EXOC6B: variants seen among roughly 807,000 people sequenced by gnomAD.
The protein encoded by EXOC6B is SEC15 homolog B.
A neutral mutation model predicts 113.5 loss-of-function variants in EXOC6B; 54 were observed. The ratio of observed to expected loss-of-function variants is 0.48; its 90% CI spans 0.38 to 0.60. EXOC6B has a LOEUF of 0.60. Among genes scored for constraint, EXOC6B ranks in the 20% least tolerant of loss-of-function variants. The pLI, the probability that EXOC6B is intolerant of heterozygous loss-of-function variation, is 0.00. For missense variants in EXOC6B, 797 were observed against 977.5 expected, an observed-to-expected ratio of 0.82 and a Z score of 2.46; for synonymous variants, 357 against 339.0, an observed-to-expected ratio of 1.05 and a Z score of -0.58.
chr2:72,554,265 C>T (rs1022310145), intron 8 of EXOC6B, among the ~76,000 whole-genome samples: 4 of 152,158 alleles, frequency 2.6e-5, no homozygotes, highest in African/African-American at 7.2e-5. Context: ...TGCAAAACCA[C>T]TGCACTCAGA....
At chr2:72,540,495 TATCTA>T (rs1226510537) in intron 8 of EXOC6B, among the ~76,000 whole-genome samples, 7 of 152,246 alleles carry the variant, frequency 4.6e-5, no homozygotes, top group Non-Finnish European at 1.0e-4. Flanking sequence ...ATATGTATCA[TATCTA>T]TTTATTCCTA....
intron 20 of EXOC6B, among the ~76,000 whole-genome samples, chr2:72,219,449 T>A (rs1322268218): frequency 1.3e-5 from 2 of 152,152 alleles, no homozygotes; most frequent in Non-Finnish European, 2.9e-5. Context: ...ATACAATAAG[T>A]CTTATGTCAA....
intron 1 of EXOC6B, among the ~76,000 whole-genome samples, chr2:72,820,056 C>T (rs1686495374): frequency 1.3e-5 from 2 of 152,046 alleles, no homozygotes; most frequent in Admixed American, 6.6e-5. Flanking sequence ...AAAATAAGAG[C>T]CATGTGGTCA....
At chr2:72,454,261 C>T (rs1029727198) in intron 18 of EXOC6B, among the ~76,000 whole-genome samples, 11 of 152,032 alleles carry the variant, frequency 7.2e-5, no homozygotes, top group South Asian at 2.1e-4. Context: ...CCTAGCACTG[C>T]GGGAGGCCAA....
chr2:72,682,599 A>G (rs1676790639), intron 6 of EXOC6B, among the ~76,000 whole-genome samples: 1 of 152,230 alleles, frequency 6.6e-6, no homozygotes, highest in Non-Finnish European at 1.5e-5. Context: ...AGGGATAAGA[A>G]GAAAGTACAG....
chr2:72,410,084 A>G (rs1228719178), intron 18 of EXOC6B, among the ~76,000 whole-genome samples: 2 of 152,156 alleles, frequency 1.3e-5, no homozygotes, highest in African/African-American at 4.8e-5. Flanking sequence ...TTTCTGCTGT[A>G]ATCCTTTGAC....
intron 8 of EXOC6B, among the ~76,000 whole-genome samples, chr2:72,549,451 T>C (rs1703092810): frequency 6.6e-6 from 1 of 152,146 alleles, no homozygotes; most frequent in African/African-American, 2.4e-5. Context: ...ATTTAGGAAA[T>C]AACATTTGGA....
At chr2:72,776,483 G>A (rs1471210172) in intron 1 of EXOC6B, among the ~76,000 whole-genome samples, 1 of 151,988 alleles carries the variant, frequency 6.6e-6, no homozygotes, top group African/African-American at 2.4e-5. Flanking sequence ...CAGGCATGGG[G>A]GCACACACCT....
intron 16 of EXOC6B, among the ~76,000 whole-genome samples, chr2:72,489,169 G>A (rs1009375860): frequency 6.6e-6 from 1 of 152,056 alleles, no homozygotes; most frequent in African/African-American, 2.4e-5. Flanking sequence ...CTTAACCCAG[G>A]TGCTTTTTCT....
intron 20 of EXOC6B, among the ~76,000 whole-genome samples, chr2:72,317,333 C>A (rs1687580229): frequency 6.6e-6 from 1 of 151,970 alleles, no homozygotes; most frequent in Non-Finnish European, 1.5e-5. Context: ...CCTATCGATA[C>A]CTCCCTCTAA....
rs778304758 is a variant in EXOC6B, at chr2:72,823,150, TAAAAAAAAAAAA to T, written c.113+2636_113+2647del. ...GACAGTAAGACTCAGTGTAATCTGC[TAAAAAAAAAAAA>T]AAAAAAAAAGTTGAGATCAAAAATG... On this transcript the variant is annotated intron_variant, in intron 1 of 21. Transcript: ENST00000272427. Among the ~76,000 whole-genome samples the T allele has an allele frequency of 4.1e-5, 3 of 73,850 alleles. No individual in the cohort carries two copies. The East Asian group carries it at 1.2e-3, about 29-fold the overall frequency. The allele number at this position is 73,850 out of a possible 152,430, so 48.4% of individuals were successfully genotyped here. A position where few individuals can be genotyped will look rare whatever the true frequency, so the allele number is the denominator to read the frequency against.
At chr2:72,289,516 C>A (rs1685654564) in intron 20 of EXOC6B, among the ~76,000 whole-genome samples, 1 of 152,020 alleles carries the variant, frequency 6.6e-6, no homozygotes, top group South Asian at 2.1e-4. Context: ...CTGAAAACAG[C>A]TGGGTGCTGT....
intron 18 of EXOC6B, among the ~76,000 whole-genome samples, chr2:72,428,503 AGAC>A (rs1403958153): frequency 6.6e-6 from 1 of 152,202 alleles, no homozygotes; most frequent in Non-Finnish European, 1.5e-5. Flanking sequence ...TGGCAGCAGC[AGAC>A]AAGTCTGACT....
At chr2:72,756,570 C>A (rs1327190062) in intron 1 of EXOC6B, among the ~76,000 whole-genome samples, 1 of 152,088 alleles carries the variant, frequency 6.6e-6, no homozygotes, top group Admixed American at 6.6e-5. Flanking sequence ...ATCATCCATA[C>A]CATTAAAGGT....
intron 6 of EXOC6B, among the ~76,000 whole-genome samples, chr2:72,650,666 G>T (rs567796536): frequency 1.1e-4 from 16 of 151,498 alleles, no homozygotes; most frequent in African/African-American, 3.9e-4. Flanking sequence ...AGAGGTAAAA[G>T]ACATAGAAAT....
chr2:72,273,492 A>C (rs563545164), intron 20 of EXOC6B, among the ~76,000 whole-genome samples: 89 of 152,278 alleles, frequency 5.8e-4, no homozygotes, highest in African/African-American at 2.0e-3. Flanking sequence ...TCTTTGTGTA[A>C]GGTGTTCAAG....
chr2:72,254,934 A>G (rs546594994), intron 20 of EXOC6B, among the ~76,000 whole-genome samples: 54 of 152,346 alleles, frequency 3.5e-4, no homozygotes, highest in South Asian at 2.1e-3. Context: ...AAATTGAAAA[A>G]GGAAATCTTA....
intron 6 of EXOC6B, among the ~76,000 whole-genome samples, chr2:72,625,593 A>T (rs1672004454): frequency 6.6e-6 from 1 of 152,162 alleles, no homozygotes; most frequent in African/African-American, 2.4e-5. Context: ...ACACATCTGG[A>T]AAGAGAACTT....
At chr2:72,703,875 A>T (rs545636018) in intron 6 of EXOC6B, among the ~76,000 whole-genome samples, 1 of 149,702 alleles carries the variant, frequency 6.7e-6, no homozygotes, top group African/African-American at 2.5e-5. Flanking sequence ...GCAAACAGGG[A>T]CAATTTGACT....
Sources: allele counts gnomAD v4.1 joint callset (sites outside exome capture counted in the v4.1 genomes callset), GRCh38; gene constraint gnomAD v4.1.1; transcripts MANE v1.5; gene names NCBI Gene and HGNC (gene_info 2026-07-23, HGNC 2026-07-21).